The following GRIK5 variants were observed in gnomAD, a reference collection of about 807,000 sequenced individuals.
GRIK5 encodes the protein glutamate ionotropic receptor kainate type subunit 5, also known as glutamate receptor ionotropic, kainate 5.
A neutral mutation model predicts 97.4 loss-of-function variants in GRIK5; 43 were observed. The ratio of observed to expected loss-of-function variants is 0.44; its 90% CI spans 0.35 to 0.57. The LOEUF is 0.57. Among genes scored for constraint, GRIK5 ranks in the 20% least tolerant of loss-of-function variants. GRIK5 has a pLI of 0.01. For synonymous variants in GRIK5, 580 were observed against 583.5 expected (o/e 0.99, Z 0.09); for missense variants, 1,015 against 1,382.0 (o/e 0.73, Z 4.21).
At chr19:42,025,986 G>T (rs1208776454) in intron 12 of GRIK5, among the ~76,000 whole-genome samples, 1 of 152,104 alleles carries the variant, frequency 6.6e-6, no homozygotes, top group Non-Finnish European at 1.5e-5. Flanking sequence ...CAATGACTCT[G>T]CTTGTTTGTA....
Position 42,041,772 on chromosome 19 carries a change from C to G in GRIK5, c.1473+780G>C, listed in dbSNP as rs138189866. 2.4e-3 allele frequency among the ~76,000 whole-genome samples: 373 copies of G among 152,268 alleles called. 1 individual carries two copies. The highest frequency in any genetic ancestry group is 4.3e-3 in the Admixed American group (66 of 15,296). ...TTTCCCCTGCTCCAAATACACTCCCCTTCTCCCACACCCCCTTCACCTTGC... is the reference window on the plus strand; with the variant it reads ...TTTCCCCTGCTCCAAATACACTCCCGTTCTCCCACACCCCCTTCACCTTGC... On this transcript the variant is annotated intron_variant, in intron 12 of 19. Coordinates refer to ENST00000593562, the MANE Select transcript of GRIK5 (RefSeq NM_002088.5).
rs2075499739 is a variant in GRIK5, at chr19:42,006,978, T to G, written c.1872-168A>C. Reference sequence around the variant, plus strand: ...GTGTGGATTCTGAAGCCAGACTTCCTGGTTGTAAATATTGCATCCGGAGAC... The same window carrying G: ...GTGTGGATTCTGAAGCCAGACTTCCGGGTTGTAAATATTGCATCCGGAGAC... On this transcript the variant is annotated intron_variant, in intron 15 of 19. Transcript: ENST00000593562. This position sits in a 1 kb window ranked among gnomAD's most constrained non-coding sequence, Gnocchi z 5.3. 6.6e-6 allele frequency among the ~76,000 whole-genome samples: 1 copy of G among 152,204 alleles called. No homozygotes were observed.
intron 17 of GRIK5, among the ~76,000 whole-genome samples, chr19:42,004,735 C>T (rs1490584117): frequency 6.6e-6 from 1 of 152,234 alleles, no homozygotes; most frequent in Non-Finnish European, 1.5e-5. Flanking sequence ...GATCCTCCTA[C>T]TTCAGCCTGT....
At chr19:42,058,154 A>G (rs1047959934) in intron 6 of GRIK5, among the ~76,000 whole-genome samples, 27 of 152,126 alleles carry the variant, frequency 1.8e-4, no homozygotes, top group African/African-American at 6.0e-4. Context: ...TGCGGGCTAC[A>G]GTCAGCAGTG....
Position 42,006,007 on chromosome 19 carries a change from C to T in GRIK5, c.2038-59G>A, listed in dbSNP as rs1394448949. Reference sequence around the variant, plus strand: ...GGTCTTTCCAGCCGCTTCCTTTCCCCGAGCCCTTCCCATCCTCCAGGAAGT... The same window carrying T: ...GGTCTTTCCAGCCGCTTCCTTTCCCTGAGCCCTTCCCATCCTCCAGGAAGT... On this transcript the variant is annotated intron_variant, in intron 16 of 19. Transcript: ENST00000593562. The surrounding 1 kb of genome is among the most constrained non-coding windows in gnomAD (Gnocchi z 5.3). 13 of 859,792 alleles carry T rather than the reference C, an allele frequency of 1.5e-5. No individual in the cohort carries two copies. The highest frequency in any genetic ancestry group is 4.0e-5 in the Admixed American group (2 of 49,812). 53.3% of individuals were successfully genotyped at this position (859,792 alleles called of 1,614,324 possible). A position where few individuals can be genotyped will look rare whatever the true frequency, so the allele number is the denominator to read the frequency against.
chr19:41,999,745 A>G lies in GRIK5; in HGVS notation c.2515-446T>C, dbSNP rs1555870530. On this transcript the variant is annotated intron_variant, in intron 19 of 19. Coordinates refer to ENST00000593562, the MANE Select transcript of GRIK5 (RefSeq NM_002088.5). This position sits in a 1 kb window ranked among gnomAD's most constrained non-coding sequence, Gnocchi z 5.0. ...AGAGAAGGAAACAGACAGAAGTCCC[A>G]GCCCTCGTGGAGGTTATGCTCAAGT... Among the ~76,000 whole-genome samples the G allele has an allele frequency of 1.3e-5, 2 of 152,306 alleles. No individual in the cohort carries two copies. The highest frequency in any genetic ancestry group is 1.9e-4 in the East Asian group (1 of 5,190).
At chr19:42,060,801 C>T (rs538588793) in intron 5 of GRIK5, among the ~76,000 whole-genome samples, 13 of 152,040 alleles carry the variant, frequency 8.6e-5, no homozygotes, top group Admixed American at 5.9e-4. Context: ...CCAACATCAC[C>T]TTCTCAATGA....
chr19:42,003,496 G>A lies in GRIK5; in HGVS notation c.2393-43C>T, dbSNP rs1287813404. 2 of 1,607,162 alleles carry A rather than the reference G, an allele frequency of 1.2e-6. No homozygotes were observed. Among genetic ancestry groups the A allele is most frequent in the East Asian group, 2.2e-5 (1 of 44,764 alleles). ...TTGGGGGGCAAAGGGAGTTGGGGCT[G>A]TGTGGGAAGGGGGCTGGGAGGGGGC... On this transcript the variant is annotated intron_variant, in intron 18 of 19. Coordinates refer to ENST00000593562, the MANE Select transcript of GRIK5 (RefSeq NM_002088.5). The surrounding 1 kb of genome is among the most constrained non-coding windows in gnomAD (Gnocchi z 4.2).
At chr19:42,067,504 G>A (rs1362103870) in intron 1 of GRIK5, among the ~76,000 whole-genome samples, 1 of 152,192 alleles carries the variant, frequency 6.6e-6, no homozygotes, top group African/African-American at 2.4e-5. Context: ...AGACCCGGAG[G>A]AGCGCTCAGA....
At chr19:42,019,982 T>C (rs370169475) in intron 15 of GRIK5, among the ~76,000 whole-genome samples, 2 of 151,168 alleles carry the variant, frequency 1.3e-5, no homozygotes, top group African/African-American at 2.4e-5. Context: ...TGGGTTTTTT[T>C]GGGGGTTTTT....
chr19:42,030,260 C>A (rs903309415), intron 12 of GRIK5, among the ~76,000 whole-genome samples: 1 of 151,992 alleles, frequency 6.6e-6, no homozygotes, highest in Admixed American at 6.6e-5. Context: ...TGGCTCACTG[C>A]AACCTCTGCC....
intron 12 of GRIK5, among the ~76,000 whole-genome samples, chr19:42,031,458 A>G (rs1354424310): frequency 6.6e-6 from 1 of 152,204 alleles, no homozygotes; most frequent in Non-Finnish European, 1.5e-5. Flanking sequence ...TGTCTATTCC[A>G]GTTATACAAC....
At chr19:42,045,703 G>A (rs2076034968) in intron 11 of GRIK5, among the ~76,000 whole-genome samples, 1 of 152,148 alleles carries the variant, frequency 6.6e-6, no homozygotes, top group East Asian at 1.9e-4. Flanking sequence ...TGTGGAACGG[G>A]GAACAAGAAT....
chr19:42,065,493 G>A lies in GRIK5; in HGVS notation c.80-106C>T. Reference sequence around the variant, plus strand: ...AGGGTGAGGTGGGTATACGGACCAGGGGTCTAGACACCTGGATCTGAGGTT... The same window carrying A: ...AGGGTGAGGTGGGTATACGGACCAGAGGTCTAGACACCTGGATCTGAGGTT... On this transcript the variant is annotated intron_variant, in intron 2 of 19. Coordinates refer to ENST00000593562, the MANE Select transcript of GRIK5 (RefSeq NM_002088.5). This position sits in a 1 kb window ranked among gnomAD's most constrained non-coding sequence, Gnocchi z 5.8. The A allele has an allele frequency of 3.3e-6, 4 of 1,200,750 alleles. No homozygotes were observed. Among genetic ancestry groups the A allele is most frequent in the Non-Finnish European group, 4.6e-6 (4 of 867,774 alleles). The allele number at this position is 1,200,750 out of a possible 1,614,324, so 74.4% of individuals were successfully genotyped here. A position where few individuals can be genotyped will look rare whatever the true frequency, so the allele number is the denominator to read the frequency against.
chr19:42,011,150 G>GT (rs892916651), intron 15 of GRIK5, among the ~76,000 whole-genome samples: 2 of 151,454 alleles, frequency 1.3e-5, no homozygotes, highest in African/African-American at 2.4e-5. Flanking sequence ...CACCCCTAAT[G>GT]TATTGTGGGG....
chr19:42,055,114 G>A (rs1036672183), intron 8 of GRIK5, among the ~76,000 whole-genome samples: 3 of 152,228 alleles, frequency 2.0e-5, no homozygotes, highest in South Asian at 4.1e-4. Context: ...CATAACGCCT[G>A]TAAAGCACTC....
At chr19:42,032,312 T>G (rs2075849586) in intron 12 of GRIK5, among the ~76,000 whole-genome samples, 1 of 152,252 alleles carries the variant, frequency 6.6e-6, no homozygotes, top group South Asian at 2.1e-4. Context: ...GCAAAGATTT[T>G]ATTTTAGAGA....
At chr19:42,015,288 G>C (rs2075611042) in intron 15 of GRIK5, among the ~76,000 whole-genome samples, 2 of 152,162 alleles carry the variant, frequency 1.3e-5, no homozygotes, top group South Asian at 4.1e-4. Context: ...TGAATAACAT[G>C]ATCAACCTAC....
intron 12 of GRIK5, among the ~76,000 whole-genome samples, chr19:42,025,891 G>A (rs1299331283): frequency 1.3e-5 from 2 of 152,206 alleles, no homozygotes; most frequent in Admixed American, 6.5e-5. Context: ...CAGGAGGATT[G>A]CTTGAGCCAA....
Sources: gnomAD v4.1 joint callset for allele counts (sites outside exome capture counted in the v4.1 genomes callset) on GRCh38, gnomAD v4.1.1 for gene constraint, Gnocchi (gnomAD v3.1) non-coding constraint, MANE v1.5 for transcripts, NCBI Gene and HGNC (gene_info 2026-07-23, HGNC 2026-07-21) for gene names.